FHIT: variants seen among roughly 807,000 people sequenced by gnomAD.
FHIT encodes fragile histidine triad diadenosine triphosphatase, also known as bis(5'-adenosyl)-triphosphatase.
FHIT carries 19 observed loss-of-function variants against 17.9 expected under a neutral mutation model. The ratio of observed to expected loss-of-function variants is 1.06; its 90% confidence interval spans 0.74 to 1.56. The LOEUF is 1.56. Among genes scored for constraint, FHIT ranks in the 40% most tolerant of loss-of-function variants. The probability of loss-of-function intolerance (pLI) is 0.00; values close to 1 mark genes in which losing one functional copy is unlikely to be tolerated. For missense variants in FHIT, 248 were observed against 189.2 expected, an observed-to-expected ratio of 1.31 and a Z score of -1.82; for synonymous variants, 81 against 69.7, an observed-to-expected ratio of 1.16 and a Z score of -0.81.
At chr3:60,469,124 T>C (rs1176060162) in intron 5 of FHIT, among the ~76,000 whole-genome samples, 4 of 152,164 alleles carry the variant, frequency 2.6e-5, no homozygotes, top group Non-Finnish European at 5.9e-5. Flanking sequence ...GTTCATTAAA[T>C]GCCATGAGAT....
intron 4 of FHIT, among the ~76,000 whole-genome samples, chr3:60,612,677 A>T (rs960512795): frequency 1.3e-5 from 2 of 152,198 alleles, no homozygotes; most frequent in Non-Finnish European, 2.9e-5. Flanking sequence ...AAAAGAAGGG[A>T]TATCATTCAT....
chr3:60,163,314 T>C (rs1027673973), intron 5 of FHIT, among the ~76,000 whole-genome samples: 7 of 152,068 alleles, frequency 4.6e-5, no homozygotes, highest in African/African-American at 1.4e-4. Context: ...CAAAGGTAGG[T>C]AGGTACTACC....
chr3:60,102,006 G>T (rs139070507), intron 5 of FHIT, among the ~76,000 whole-genome samples: 2 of 152,172 alleles, frequency 1.3e-5, no homozygotes, highest in Non-Finnish European at 2.9e-5. Flanking sequence ...GATTTCAAAA[G>T]AATTTTTGAA....
At chr3:59,935,465 T>C (rs1169029793) in intron 7 of FHIT, among the ~76,000 whole-genome samples, 2 of 152,188 alleles carry the variant, frequency 1.3e-5, no homozygotes, top group African/African-American at 2.4e-5. Context: ...ATTATACATA[T>C]GTCCATGACA....
chr3:61,029,945 C>G (rs1369710056), intron 3 of FHIT, among the ~76,000 whole-genome samples: 1 of 152,112 alleles, frequency 6.6e-6, no homozygotes, highest in Non-Finnish European at 1.5e-5. Flanking sequence ...CCACCCTAGA[C>G]CTGAATCAAA....
chr3:61,048,697 G>A (rs1029040104), intron 2 of FHIT, among the ~76,000 whole-genome samples: 13 of 152,076 alleles, frequency 8.5e-5, no homozygotes, highest in African/African-American at 2.7e-4. Flanking sequence ...ATTGCGGCAC[G>A]ATTCACAATA....
At chr3:61,160,373 ATTTG>A (rs1402847377) in intron 2 of FHIT, among the ~76,000 whole-genome samples, 2 of 152,178 alleles carry the variant, frequency 1.3e-5, no homozygotes, top group Non-Finnish European at 2.9e-5. Context: ...AAATAAATGT[ATTTG>A]TTTCTTTGTA....
At chr3:59,994,148 G>T (rs866184237) in intron 7 of FHIT, among the ~76,000 whole-genome samples, 3 of 151,898 alleles carry the variant, frequency 2.0e-5, no homozygotes, top group African/African-American at 7.3e-5. Flanking sequence ...TGGCATTGTG[G>T]GTTACAAAGC....
At chr3:61,149,591 A>C (rs1336114661) in intron 2 of FHIT, among the ~76,000 whole-genome samples, 1 of 152,174 alleles carries the variant, frequency 6.6e-6, no homozygotes, top group East Asian at 1.9e-4. Context: ...AAAAATGCTT[A>C]ACTGGGCCAG....
At chr3:60,867,218 AC>A (rs11318342) in intron 3 of FHIT, among the ~76,000 whole-genome samples, 29,304 of 152,178 alleles carry the variant, frequency 0.19, 3,061 homozygotes, top group Middle Eastern at 0.26. Context: ...ACACAGGTTT[AC>A]CCATAAACTA....
At chr3:60,403,141 C>T (rs867668266) in intron 5 of FHIT, among the ~76,000 whole-genome samples, 4 of 152,030 alleles carry the variant, frequency 2.6e-5, no homozygotes, top group African/African-American at 7.2e-5. Flanking sequence ...AGTAAAAGCC[C>T]GGGATAGACA....
chr3:60,034,345 G>A (rs172456), intron 5 of FHIT, among the ~76,000 whole-genome samples: 8,353 of 152,276 alleles, frequency 0.055, 291 homozygotes, highest in South Asian at 0.094. Context: ...TTTACTTACT[G>A]AAAGGTCTTT....
At chr3:60,387,524 T>C in intron 5 of FHIT, among the ~76,000 whole-genome samples, 1 of 152,132 alleles carries the variant, frequency 6.6e-6, no homozygotes, top group East Asian at 1.9e-4. Flanking sequence ...ATGGCTGGAT[T>C]TAACACAAGT....
At chr3:60,454,057 T>G (rs1281249027) in intron 5 of FHIT, among the ~76,000 whole-genome samples, 1 of 152,172 alleles carries the variant, frequency 6.6e-6, no homozygotes, top group Non-Finnish European at 1.5e-5. Flanking sequence ...GAGCTACTAA[T>G]CAAACCAGAA....
chr3:60,437,315 A>G (rs2107316528), intron 5 of FHIT, among the ~76,000 whole-genome samples: 1 of 152,238 alleles, frequency 6.6e-6, no homozygotes. Flanking sequence ...AATAAAAGGG[A>G]GTGATTATAC....
At chr3:60,858,310 G>C (rs1457776482) in intron 3 of FHIT, among the ~76,000 whole-genome samples, 1 of 152,150 alleles carries the variant, frequency 6.6e-6, no homozygotes, top group Non-Finnish European at 1.5e-5. Context: ...AAAATTAGAA[G>C]TTCCCATTTC....
At chr3:60,415,580 G>A (rs1702216349) in intron 5 of FHIT, among the ~76,000 whole-genome samples, 1 of 152,020 alleles carries the variant, frequency 6.6e-6, no homozygotes, top group Non-Finnish European at 1.5e-5. Flanking sequence ...AATATTCACA[G>A]GTGCTGGACA....
intron 5 of FHIT, among the ~76,000 whole-genome samples, chr3:60,531,928 G>T (rs1299328786): frequency 6.6e-6 from 1 of 152,118 alleles, no homozygotes; most frequent in Non-Finnish European, 1.5e-5. Flanking sequence ...AGCACTGTTT[G>T]CATGGTAGCC....
intron 3 of FHIT, among the ~76,000 whole-genome samples, chr3:60,917,221 T>C (rs1387508314): frequency 6.6e-6 from 1 of 152,134 alleles, no homozygotes; most frequent in Non-Finnish European, 1.5e-5. Context: ...GTAAATAAAT[T>C]AGAAGGAATG....
Sources: gnomAD v4.1 joint callset for allele counts (sites outside exome capture counted in the v4.1 genomes callset) on GRCh38, gnomAD v4.1.1 for gene constraint, MANE v1.5 for transcripts, NCBI Gene and HGNC (gene_info 2026-07-23, HGNC 2026-07-21) for gene names.